SPOCK1: variants seen among roughly 807,000 people sequenced by gnomAD.
SPOCK1 encodes testican-1.
Under a neutral mutation model 55.3 loss-of-function variants are expected in SPOCK1, and 23 were observed. That is an observed-to-expected ratio of 0.42 (90% CI 0.30 to 0.59). The LOEUF (loss-of-function observed/expected upper bound fraction) is 0.59. SPOCK1 is among the 20% of genes least tolerant of loss of function. The pLI is 0.22. For synonymous variants in SPOCK1, 226 were observed against 221.0 expected (o/e 1.02, Z -0.20); for missense variants, 499 against 552.5 (o/e 0.90, Z 0.97).
At chr5:137,091,968 A>G (rs1455001849) in intron 5 of SPOCK1, among the ~76,000 whole-genome samples, 3 of 152,032 alleles carry the variant, frequency 2.0e-5, no homozygotes, top group African/African-American at 4.8e-5. Context: ...ATAAACTCAC[A>G]TTTCCATTAT....
chr5:137,493,916 T>C (rs1022738510), intron 2 of SPOCK1, among the ~76,000 whole-genome samples: 2 of 152,162 alleles, frequency 1.3e-5, no homozygotes, highest in African/African-American at 4.8e-5. Flanking sequence ...GATCAGATGC[T>C]CGCTGCCACC....
At chr5:137,381,689 A>C (rs1373169495) in intron 2 of SPOCK1, among the ~76,000 whole-genome samples, 1 of 152,158 alleles carries the variant, frequency 6.6e-6, no homozygotes, top group Admixed American at 6.5e-5. Flanking sequence ...GTAGGGCGCC[A>C]TGTCCCAAGG....
chr5:137,416,286 TC>T (rs1332088114), intron 2 of SPOCK1, among the ~76,000 whole-genome samples: 1 of 147,896 alleles, frequency 6.8e-6, no homozygotes, highest in African/African-American at 2.6e-5. Context: ...CAGCAGATCC[TC>T]CCCTCTGAAA....
intron 2 of SPOCK1, among the ~76,000 whole-genome samples, chr5:137,480,664 C>T (rs1190120952): frequency 2.6e-5 from 4 of 152,130 alleles, no homozygotes; most frequent in Admixed American, 6.5e-5. Flanking sequence ...GTCAAGCTTC[C>T]CCAACTTCTC....
chr5:137,364,485 G>T (rs908940562), intron 2 of SPOCK1, among the ~76,000 whole-genome samples: 1 of 152,138 alleles, frequency 6.6e-6, no homozygotes, highest in Non-Finnish European at 1.5e-5. Context: ...TAAGCACAAG[G>T]CTGCAGAACA....
intron 6 of SPOCK1, among the ~76,000 whole-genome samples, chr5:137,014,537 C>T (rs571846522): frequency 6.6e-6 from 1 of 152,038 alleles, no homozygotes; most frequent in Non-Finnish European, 1.5e-5. Flanking sequence ...AAAAAGTGCC[C>T]TTAGACATAA....
At chr5:137,203,447 G>GA (rs1386497014) in intron 3 of SPOCK1, among the ~76,000 whole-genome samples, 1 of 152,066 alleles carries the variant, frequency 6.6e-6, no homozygotes, top group Non-Finnish European at 1.5e-5. Context: ...CTCATGAAGT[G>GA]AAAAAGGCGA....
chr5:137,272,199 CTG>C (rs1430333709), intron 2 of SPOCK1, among the ~76,000 whole-genome samples: 19 of 152,318 alleles, frequency 1.2e-4, no homozygotes, highest in African/African-American at 4.1e-4. Flanking sequence ...AATGAAGGGA[CTG>C]TAGCCAAACT....
chr5:137,121,950 T>TTATATATA (rs10645733), intron 4 of SPOCK1, among the ~76,000 whole-genome samples: 2 of 145,566 alleles, frequency 1.4e-5, no homozygotes, highest in African/African-American at 5.0e-5. Flanking sequence ...TTATATATGA[T>TTATATATA]TATATATATA....
chr5:137,242,747 C>CA (rs375361918), intron 3 of SPOCK1, among the ~76,000 whole-genome samples: 4 of 151,872 alleles, frequency 2.6e-5, no homozygotes, highest in Non-Finnish European at 5.9e-5. Context: ...CCCCAACCCC[C>CA]AAAAAAACCA....
At chr5:137,399,904 T>C (rs181500550) in intron 2 of SPOCK1, among the ~76,000 whole-genome samples, 1 of 152,316 alleles carries the variant, frequency 6.6e-6, no homozygotes. Flanking sequence ...TGGGAGACAT[T>C]TGTGGGAATA....
intron 4 of SPOCK1, 64 bp downstream of exon 4, chr5:137,140,516 A>C (rs774780574): frequency 3.6e-6 from 5 of 1,385,874 alleles, no homozygotes; most frequent in Non-Finnish European, 5.0e-6. Context: ...AAAGACTGGA[A>C]ACCCTCAGAT....
intron 5 of SPOCK1, among the ~76,000 whole-genome samples, chr5:137,096,850 G>A (rs1250838906): frequency 6.6e-6 from 1 of 152,152 alleles, no homozygotes; most frequent in Admixed American, 6.5e-5. Flanking sequence ...TGTCATAGTG[G>A]CTTTTGCAGT....
At chr5:137,348,629 A>T (rs1750612471) in intron 2 of SPOCK1, among the ~76,000 whole-genome samples, 1 of 152,220 alleles carries the variant, frequency 6.6e-6, no homozygotes, top group African/African-American at 2.4e-5. Flanking sequence ...TTGCAAAAAA[A>T]AAACAATGTG....
intron 6 of SPOCK1, among the ~76,000 whole-genome samples, chr5:137,054,703 G>A (rs1752270350): frequency 6.6e-6 from 1 of 152,146 alleles, no homozygotes; most frequent in Non-Finnish European, 1.5e-5. Context: ...CTGCCATATG[G>A]AGAATAAACA....
intron 4 of SPOCK1, among the ~76,000 whole-genome samples, chr5:137,116,800 A>G (rs933182943): frequency 6.6e-6 from 1 of 151,820 alleles, no homozygotes; most frequent in African/African-American, 2.4e-5. Context: ...ACCAACATCA[A>G]TTTTTGCTCC....
At chr5:137,290,110 A>G (rs893906855) in intron 2 of SPOCK1, among the ~76,000 whole-genome samples, 1 of 152,200 alleles carries the variant, frequency 6.6e-6, no homozygotes, top group Non-Finnish European at 1.5e-5. Context: ...ATTTTACCCA[A>G]TGGAAATGAG....
intron 2 of SPOCK1, among the ~76,000 whole-genome samples, chr5:137,390,547 G>A (rs1203354792): frequency 1.3e-5 from 2 of 152,178 alleles, no homozygotes; most frequent in African/African-American, 4.8e-5. Flanking sequence ...GGGGACTGAG[G>A]ACAGCTGCTC....
chr5:137,387,233 G>T (rs1236962571), intron 2 of SPOCK1, among the ~76,000 whole-genome samples: 1 of 152,156 alleles, frequency 6.6e-6, no homozygotes, highest in Non-Finnish European at 1.5e-5. Flanking sequence ...AAGACAATTT[G>T]GTGGTTTCTT....
Sources: allele counts gnomAD v4.1 joint callset (sites outside exome capture counted in the v4.1 genomes callset), GRCh38; gene constraint gnomAD v4.1.1; transcripts MANE v1.5; gene names NCBI Gene and HGNC (gene_info 2026-07-23, HGNC 2026-07-21).